The following SEMA3E variants were observed in gnomAD, a reference collection of about 807,000 sequenced individuals.
SEMA3E encodes semaphorin-3E.
A neutral mutation model predicts 93.6 loss-of-function variants in SEMA3E; 49 were observed. The observed-to-expected ratio is 0.52, with a 90% CI of 0.42 to 0.66. SEMA3E has a LOEUF of 0.66. Among genes scored for constraint, SEMA3E ranks in the 30% least tolerant of loss-of-function variants. The pLI, the probability that SEMA3E is intolerant of heterozygous loss-of-function variation, is 0.00. For synonymous variants in SEMA3E, 363 were observed against 330.7 expected, an observed-to-expected ratio of 1.10 and a Z score of -1.06; for missense variants, 906 against 964.8, an observed-to-expected ratio of 0.94 and a Z score of 0.81.
At chr7:83,406,638 G>A (rs1401564341) in intron 7 of SEMA3E, among the ~76,000 whole-genome samples, 1 of 151,888 alleles carries the variant, frequency 6.6e-6, no homozygotes, top group Non-Finnish European at 1.5e-5. Context: ...CTCAATATAT[G>A]TTGCTACTCC....
chr7:83,518,931 T>A (rs866177803), intron 1 of SEMA3E, among the ~76,000 whole-genome samples: 2 of 152,126 alleles, frequency 1.3e-5, no homozygotes. Context: ...ATTTCTTTTC[T>A]TTTTTACTTG....
At position 83,558,949 on chromosome 7, in the gene SEMA3E, A is replaced by C. The variant is rs368903844; in HGVS notation, c.116-68675T>G. Among the ~76,000 whole-genome samples, 12 of 152,228 alleles carry C rather than the reference A, an allele frequency of 7.9e-5. 1 individual carries two copies. Among genetic ancestry groups the C allele is most frequent in the Admixed American group, 6.6e-5 (1 of 15,264 alleles). On this transcript the variant is annotated intron_variant, in intron 1 of 16. Transcript: ENST00000643230. ...CTAGCTAACTCATCAATTGAAAATG[A>C]TGTTTTTTGACCTTTTTCAGTCCAT...
intron 1 of SEMA3E, among the ~76,000 whole-genome samples, chr7:83,519,350 C>T (rs1020700924): frequency 6.6e-6 from 1 of 152,126 alleles, no homozygotes; most frequent in Non-Finnish European, 1.5e-5. Flanking sequence ...AAACCTAGAA[C>T]CATCTTTCCA....
At chr7:83,577,024 A>T (rs1792419313) in intron 1 of SEMA3E, among the ~76,000 whole-genome samples, 1 of 152,226 alleles carries the variant, frequency 6.6e-6, no homozygotes, top group Non-Finnish European at 1.5e-5. Flanking sequence ...TGTAAATTGG[A>T]TTCAACATTT....
At chr7:83,508,967 G>A (rs2115638321) in intron 1 of SEMA3E, among the ~76,000 whole-genome samples, 1 of 152,154 alleles carries the variant, frequency 6.6e-6, no homozygotes, top group Non-Finnish European at 1.5e-5. Context: ...TTTTCAGTAG[G>A]GTTTAATCTA....
intron 1 of SEMA3E, among the ~76,000 whole-genome samples, chr7:83,611,197 G>T (rs1045281326): frequency 8.1e-5 from 12 of 147,948 alleles, no homozygotes; most frequent in African/African-American, 3.0e-4. Flanking sequence ...AAGGAAATCA[G>T]CTCCCCTTTT....
At chr7:83,615,716 G>C (rs553664263) in intron 1 of SEMA3E, among the ~76,000 whole-genome samples, 1 of 152,020 alleles carries the variant, frequency 6.6e-6, no homozygotes, top group Non-Finnish European at 1.5e-5. Context: ...TTATAGCAAC[G>C]ATAAAGTAAT....
intron 4 of SEMA3E, among the ~76,000 whole-genome samples, chr7:83,437,136 A>C (rs1224275232): frequency 6.6e-6 from 1 of 152,184 alleles, no homozygotes; most frequent in Non-Finnish European, 1.5e-5. Flanking sequence ...GATTTGGGTC[A>C]GGAGACAGCC....
At chr7:83,457,471 CAAGA>C (rs1250594225) in intron 4 of SEMA3E, among the ~76,000 whole-genome samples, 2 of 152,166 alleles carry the variant, frequency 1.3e-5, no homozygotes, top group African/African-American at 4.8e-5. Flanking sequence ...TCCCAATCAG[CAAGA>C]AATAAAATTA....
chr7:83,618,093 T>C (rs572428046), intron 1 of SEMA3E, among the ~76,000 whole-genome samples: 4 of 152,160 alleles, frequency 2.6e-5, no homozygotes, highest in South Asian at 2.1e-4. Flanking sequence ...GGCACCAGCA[T>C]TGGGAGTGGT....
rs183514894 is a variant in SEMA3E, at chr7:83,366,513, G to T, written c.*1073C>A. 2.6e-5 allele frequency: 4 copies of T among 151,756 alleles called. No homozygotes were observed. The highest frequency in any genetic ancestry group is 5.9e-5 in the Non-Finnish European group (4 of 67,870). The allele number at this position is 151,756 out of a possible 1,614,324, so 9.4% of individuals were successfully genotyped here. ...AATATTTTTTTCACAAATAAAACAC[G>T]GTTGTTATAGTATATTTTAGATTTC... On this transcript the variant is annotated 3_prime_UTR_variant, in exon 17 of 17. Coordinates refer to ENST00000643230, the MANE Select transcript of SEMA3E (RefSeq NM_012431.3).
chr7:83,632,485 A>G (rs1215455912), intron 1 of SEMA3E, among the ~76,000 whole-genome samples: 2 of 152,092 alleles, frequency 1.3e-5, no homozygotes, highest in African/African-American at 4.8e-5. Context: ...AAGTCTCATG[A>G]GATCTGATGC....
chr7:83,474,937 A>C (rs1789978111), intron 2 of SEMA3E, among the ~76,000 whole-genome samples: 1 of 151,888 alleles, frequency 6.6e-6, no homozygotes, highest in South Asian at 2.1e-4. Context: ...AATTATTCAA[A>C]TGTATATGCT....
intron 1 of SEMA3E, among the ~76,000 whole-genome samples, chr7:83,603,072 A>G (rs2115989493): frequency 6.6e-6 from 1 of 152,304 alleles, no homozygotes; most frequent in African/African-American, 2.4e-5. Context: ...TCCAAGAAAA[A>G]GAAGCTATAT....
chr7:83,539,289 G>A (rs28647675), intron 1 of SEMA3E, among the ~76,000 whole-genome samples: 33,740 of 151,888 alleles, frequency 0.22, 3,885 homozygotes, highest in East Asian at 0.39. Context: ...CCCATCAACG[G>A]TGCTTGGTAT....
chr7:83,521,695 T>G (rs891157345), intron 1 of SEMA3E, among the ~76,000 whole-genome samples: 1 of 152,220 alleles, frequency 6.6e-6, no homozygotes, highest in Middle Eastern at 3.4e-3. Flanking sequence ...TATGGCTGTC[T>G]TCTGGTGTTG....
intron 16 of SEMA3E, among the ~76,000 whole-genome samples, chr7:83,383,514 G>C (rs1324087491): frequency 6.6e-6 from 1 of 151,816 alleles, no homozygotes; most frequent in East Asian, 1.9e-4. Context: ...TCCGTATATA[G>C]CTAGGTCCTT....
intron 1 of SEMA3E, among the ~76,000 whole-genome samples, chr7:83,620,891 T>C (rs1255887041): frequency 2.0e-5 from 3 of 152,086 alleles, no homozygotes; most frequent in East Asian, 3.9e-4. Context: ...CAATATCATA[T>C]TGAATGGGCA....
At chr7:83,636,768 G>A (rs1183728030) in intron 1 of SEMA3E, among the ~76,000 whole-genome samples, 2 of 152,100 alleles carry the variant, frequency 1.3e-5, no homozygotes, top group African/African-American at 4.8e-5. Context: ...TATATGCAGT[G>A]GGATGATTGT....
Sources: gnomAD v4.1 joint callset for allele counts (sites outside exome capture counted in the v4.1 genomes callset) on GRCh38, gnomAD v4.1.1 for gene constraint, MANE v1.5 for transcripts, NCBI Gene and HGNC (gene_info 2026-07-23, HGNC 2026-07-21) for gene names.